Variants in GRM1 observed in about 807,000 individuals in gnomAD.
The protein encoded by GRM1 is metabotropic glutamate receptor 1.
A neutral mutation model predicts 90.9 loss-of-function variants in GRM1; 33 were observed. The ratio of observed to expected loss-of-function variants is 0.36; its 90% CI spans 0.28 to 0.49. The LOEUF (loss-of-function observed/expected upper bound fraction) is 0.49, where lower values mean the gene tolerates loss of function less well. Ranked by LOEUF, GRM1 falls within the 20% of genes least tolerant of loss-of-function variation. GRM1 has a pLI of 0.99. For synonymous variants in GRM1, 700 were observed against 613.2 expected, an observed-to-expected ratio of 1.14 and a Z score of -2.09; for missense variants, 1,190 against 1,534.3, an observed-to-expected ratio of 0.78 and a Z score of 3.75.
At chr6:146,203,085 T>C (rs374349451) in intron 2 of GRM1, among the ~76,000 whole-genome samples, 1 of 151,828 alleles carries the variant, frequency 6.6e-6, no homozygotes, top group East Asian at 1.9e-4. Flanking sequence ...TCCCAGCTAC[T>C]GGGGAGGCTG....
rs1279913137 is a variant in GRM1 at position 146,435,675 on chromosome 6, T to TG, written c.*883dup. 1 of 152,586 alleles carries TG rather than the reference T, an allele frequency of 6.6e-6. No homozygotes were observed. Among genetic ancestry groups the TG allele is most frequent in the East Asian group, 1.9e-4 (1 of 5,190 alleles). 9.5% of individuals were successfully genotyped at this position (152,586 alleles called of 1,614,324 possible). ...GTTCCATATTCACTTATTGGCGATT[T>TG]GGGGAAAAGGCCGGAACAAGAGATT... On this transcript the variant is annotated 3_prime_UTR_variant, in exon 8 of 8. Coordinates refer to ENST00000282753, the MANE Select transcript of GRM1 (RefSeq NM_001278064.2).
chr6:146,427,812 G>A (rs571022105), intron 7 of GRM1, among the ~76,000 whole-genome samples: 9 of 152,318 alleles, frequency 5.9e-5, no homozygotes, highest in African/African-American at 1.9e-4. Context: ...AGAAGGCACT[G>A]AGTGTTTCTT....
intron 1 of GRM1, among the ~76,000 whole-genome samples, chr6:146,135,619 G>A (rs1776589581): frequency 6.6e-6 from 1 of 152,144 alleles, no homozygotes; most frequent in Non-Finnish European, 1.5e-5. Context: ...ACCAACCACT[G>A]GTTAGGTTTC....
At chr6:146,288,879 C>G (rs1238276222) in intron 2 of GRM1, among the ~76,000 whole-genome samples, 1 of 152,040 alleles carries the variant, frequency 6.6e-6, no homozygotes, top group African/African-American at 2.4e-5. Flanking sequence ...TGAAGAATTC[C>G]CATCACCTAG....
chr6:146,039,470 C>T lies in GRM1; in HGVS notation c.700+9253C>T, dbSNP rs1450319344. On this transcript the variant is annotated intron_variant, in intron 1 of 7. Coordinates refer to ENST00000282753, the MANE Select transcript of GRM1 (RefSeq NM_001278064.2). ...AGAGCCTAGGTCATGATGGGACATA[C>T]TTATCAAGCCAAGAAAATTAGACTC... 3.9e-5 allele frequency among the ~76,000 whole-genome samples: 6 copies of T among 151,984 alleles called. No homozygotes were observed. The South Asian group carries it at 8.3e-4, about 21-fold the overall frequency.
Position 146,223,751 on chromosome 6 carries a change from G to T in GRM1, c.950+64154G>T, listed in dbSNP as rs147010664. On this transcript the variant is annotated intron_variant, in intron 2 of 7. Transcript: ENST00000282753. ...ACATATTTCATGTGCTATAGTAAAA[G>T]AAATCTACTGAGATTCTGGGTTTAC... is the stretch of plus-strand genomic sequence containing the variant. Among the ~76,000 whole-genome samples, 5 of 152,152 alleles carry T rather than the reference G, an allele frequency of 3.3e-5. No homozygotes were observed. In the East Asian group the frequency reaches 7.7e-4, roughly 24 times the overall value.
At chr6:146,109,274 G>A (rs984698192) in intron 1 of GRM1, among the ~76,000 whole-genome samples, 13 of 152,156 alleles carry the variant, frequency 8.5e-5, no homozygotes, top group African/African-American at 3.1e-4. Context: ...AGGGCTCAGG[G>A]TCCCCATGCT....
At chr6:146,325,861 A>G (rs1056022113) in intron 3 of GRM1, among the ~76,000 whole-genome samples, 2 of 152,136 alleles carry the variant, frequency 1.3e-5, no homozygotes, top group African/African-American at 4.8e-5. Flanking sequence ...TTTTCTTGAA[A>G]TTAAAATTGA....
intron 1 of GRM1, among the ~76,000 whole-genome samples, chr6:146,086,682 C>T (rs535112583): frequency 6.6e-6 from 1 of 152,022 alleles, no homozygotes; most frequent in African/African-American, 2.4e-5. Context: ...TTCATGAACT[C>T]CTTTTCCCAG....
intron 3 of GRM1, among the ~76,000 whole-genome samples, chr6:146,348,861 C>G (rs1207950681): frequency 6.6e-6 from 1 of 152,186 alleles, no homozygotes; most frequent in Non-Finnish European, 1.5e-5. Flanking sequence ...ATTTCTATAC[C>G]TGCCCCTGCA....
intron 1 of GRM1, among the ~76,000 whole-genome samples, chr6:146,101,565 G>A (rs1777050499): frequency 6.6e-6 from 1 of 152,022 alleles, no homozygotes; most frequent in Non-Finnish European, 1.5e-5. Context: ...CCAACCTGCT[G>A]CGATTTGATT....
chr6:146,028,515 CT>C (rs1054366581), upstream of GRM1, among the ~76,000 whole-genome samples: 1 of 151,758 alleles, frequency 6.6e-6, no homozygotes, highest in African/African-American at 2.4e-5. Flanking sequence ...AGGACCCCCC[CT>C]AACCCGTCCA....
At chr6:146,427,567 A>G (rs1385494045) in intron 7 of GRM1, among the ~76,000 whole-genome samples, 1 of 152,184 alleles carries the variant, frequency 6.6e-6, no homozygotes, top group Admixed American at 6.5e-5. Flanking sequence ...GGGCCATAAC[A>G]TCTCTTCCCT....
rs1044152791 is a variant in GRM1 at position 146,435,430 on chromosome 6, C to A, written c.*634C>A. 15 of 159,226 alleles carry A rather than the reference C, an allele frequency of 9.4e-5. No homozygotes were observed. In the South Asian group the frequency reaches 1.1e-3, roughly 12 times the overall value. The allele number at this position is 159,226 out of a possible 1,614,324, so 9.9% of individuals were successfully genotyped here. A position where few individuals can be genotyped will look rare whatever the true frequency, so the allele number is the denominator to read the frequency against. On this transcript the variant is annotated 3_prime_UTR_variant, in exon 8 of 8. Transcript: ENST00000282753. ...AGCGGCACAGGGGTCTCTCTTCATC[C>A]ACTGCAACCCATCCAGTGCCAGCTT...
At chr6:146,197,574 G>T (rs1779164024) in intron 2 of GRM1, among the ~76,000 whole-genome samples, 1 of 152,180 alleles carries the variant, frequency 6.6e-6, no homozygotes, top group Admixed American at 6.5e-5. Context: ...TTATGTCATT[G>T]ATCAAATGGA....
rs1435599874 is a variant in GRM1 at position 146,399,184 on chromosome 6, T to G, written c.2145T>G (p.Ser715Arg). The part of the protein sequence containing the change: ...AQVIIASILI[S>R]VQLTLVVTLI... ...TGATCATTGCCTCAATTCTGATTAG[T>G]GTGCAACTAACCCTGGTGGTAACCC... is the stretch of plus-strand genomic sequence containing the variant. The change falls in exon 7 of 8, where the codon AGT becomes AGG. Residue 715 changes from serine (S) to arginine (R), a missense_variant. Coordinates refer to ENST00000282753, the MANE Select transcript of GRM1 (RefSeq NM_001278064.2). This position sits in a 1 kb window ranked among gnomAD's most constrained non-coding sequence, Gnocchi z 5.4. The G allele has an allele frequency of 6.2e-7, 1 of 1,614,140 alleles. No homozygotes were observed. Among genetic ancestry groups the G allele is most frequent in the Non-Finnish European group, 8.5e-7 (1 of 1,180,028 alleles).
intron 3 of GRM1, among the ~76,000 whole-genome samples, chr6:146,335,000 GA>G (rs1262214274): frequency 3.3e-5 from 5 of 152,050 alleles, no homozygotes; most frequent in Non-Finnish European, 7.4e-5. Context: ...AATTTAATGA[GA>G]AAAAATTATC....
At chr6:146,164,835 C>T in intron 2 of GRM1, among the ~76,000 whole-genome samples, 1 of 152,106 alleles carries the variant, frequency 6.6e-6, no homozygotes, top group Admixed American at 6.6e-5. Flanking sequence ...TGTAAGTTCA[C>T]ATTCTGCCTT....
chr6:146,219,236 A>T (rs1562536488), intron 2 of GRM1, among the ~76,000 whole-genome samples: 1 of 152,160 alleles, frequency 6.6e-6, no homozygotes. Flanking sequence ...GTTTCTGCCC[A>T]TGGGAATATT....
Sources: gnomAD v4.1 joint callset for allele counts (sites outside exome capture counted in the v4.1 genomes callset) on GRCh38, gnomAD v4.1.1 for gene constraint, Gnocchi (gnomAD v3.1) non-coding constraint, MANE v1.5 for transcripts, NCBI Gene and HGNC (gene_info 2026-07-23, HGNC 2026-07-21) for gene names.